FHIT: variants seen among roughly 807,000 people sequenced by gnomAD.
FHIT encodes fragile histidine triad diadenosine triphosphatase.
A neutral mutation model predicts 17.9 loss-of-function variants in FHIT; 19 were observed. The ratio of observed to expected loss-of-function variants is 1.06; its 90% CI spans 0.74 to 1.56. The LOEUF is 1.56. Ranked by LOEUF, FHIT falls within the 40% of genes most tolerant of loss-of-function variation. The pLI, the probability that FHIT is intolerant of heterozygous loss-of-function variation, is 0.00. For missense variants in FHIT, 248 were observed against 189.2 expected (o/e 1.31, Z -1.82); for synonymous variants, 81 against 69.7 (o/e 1.16, Z -0.81).
intron 2 of FHIT, among the ~76,000 whole-genome samples, chr3:61,180,253 G>A (rs908349205): frequency 2.0e-5 from 3 of 152,188 alleles, no homozygotes; most frequent in African/African-American, 7.2e-5. Flanking sequence ...AATGTTTGCT[G>A]GGATGTAAGC....
intron 5 of FHIT, among the ~76,000 whole-genome samples, chr3:60,077,686 T>TCACACA (rs35531886): frequency 0.013 from 1,410 of 110,310 alleles, 15 homozygotes; most frequent in African/African-American, 0.029. Flanking sequence ...CGATTTTACT[T>TCACACA]CACACACACA....
chr3:60,047,124 G>T (rs1701685365), intron 5 of FHIT, among the ~76,000 whole-genome samples: 1 of 152,194 alleles, frequency 6.6e-6, no homozygotes, highest in Non-Finnish European at 1.5e-5. Flanking sequence ...CAAGCATACT[G>T]CCGTAATGTT....
At chr3:60,776,083 A>G (rs1700209223) in intron 4 of FHIT, among the ~76,000 whole-genome samples, 2 of 152,210 alleles carry the variant, frequency 1.3e-5, no homozygotes, top group Non-Finnish European at 2.9e-5. Flanking sequence ...CACCCCCAAC[A>G]ACTGTCAGTG....
At chr3:61,132,356 G>A (rs1327635864) in intron 2 of FHIT, among the ~76,000 whole-genome samples, 1 of 152,156 alleles carries the variant, frequency 6.6e-6, no homozygotes, top group Non-Finnish European at 1.5e-5. Flanking sequence ...TTCATCCATA[G>A]ACAATTCAAT....
chr3:60,883,624 T>G (rs1489823768), intron 3 of FHIT, among the ~76,000 whole-genome samples: 2 of 152,128 alleles, frequency 1.3e-5, no homozygotes, highest in African/African-American at 4.8e-5. Flanking sequence ...AAGGACAGTC[T>G]ATTCATAAAT....
intron 2 of FHIT, among the ~76,000 whole-genome samples, chr3:61,058,638 C>A (rs2034312947): frequency 6.6e-6 from 1 of 152,182 alleles, no homozygotes; most frequent in Non-Finnish European, 1.5e-5. Context: ...CCTTCCTCTT[C>A]ACCTTCTACC....
At chr3:60,827,711 G>A (rs1454362623) in intron 3 of FHIT, among the ~76,000 whole-genome samples, 3 of 152,212 alleles carry the variant, frequency 2.0e-5, no homozygotes, top group African/African-American at 4.8e-5. Flanking sequence ...AGCAAAGGGC[G>A]TTCAGCTAGG....
intron 2 of FHIT, among the ~76,000 whole-genome samples, chr3:61,192,689 G>T (rs1480082565): frequency 6.6e-6 from 1 of 152,110 alleles, no homozygotes; most frequent in Non-Finnish European, 1.5e-5. Flanking sequence ...TTTGAGCAAA[G>T]ACTCAGGAGA....
In FHIT at chr3:61,026,517, A is replaced by T. The variant is rs183189324; in HGVS notation, c.-111+15530T>A. ...TTTCGCCAGCCTTACCTGATCATAGAAATCTTAAGATTTATAAAATACTTT... is the reference window on the plus strand; with the variant it reads ...TTTCGCCAGCCTTACCTGATCATAGTAATCTTAAGATTTATAAAATACTTT... On this transcript the variant is annotated intron_variant, in intron 3 of 9. Transcript: ENST00000492590. 3.3e-3 allele frequency among the ~76,000 whole-genome samples: 496 copies of T among 152,352 alleles called. 3 individuals are homozygous for T. Among genetic ancestry groups the T allele is most frequent in the Admixed American group, 7.9e-3 (121 of 15,306 alleles).
chr3:60,988,686 T>C (rs569797310), intron 3 of FHIT, among the ~76,000 whole-genome samples: 1 of 152,260 alleles, frequency 6.6e-6, no homozygotes, highest in African/African-American at 2.4e-5. Flanking sequence ...CCTGGAGGCC[T>C]GTTCAAGACT....
At chr3:61,159,893 C>G (rs1455639987) in intron 2 of FHIT, among the ~76,000 whole-genome samples, 5 of 152,156 alleles carry the variant, frequency 3.3e-5, no homozygotes, top group African/African-American at 1.2e-4. Context: ...AATGGGATGC[C>G]TATGTGCACA....
chr3:60,352,169 T>C (rs1699440221), intron 5 of FHIT, among the ~76,000 whole-genome samples: 1 of 152,152 alleles, frequency 6.6e-6, no homozygotes, highest in African/African-American at 2.4e-5. Flanking sequence ...AAGTGAGTTA[T>C]TTTACTAGAG....
Position 60,498,359 on chromosome 3 carries a change from G to A in FHIT, c.103+38501C>T, listed in dbSNP as rs72882138. On this transcript the variant is annotated intron_variant, in intron 5 of 9. Transcript: ENST00000492590. ...TTTATAGCATACTAACTTCTTTCTG[G>A]AAGTATGTTATACCCCCTGATTTAC... Among the ~76,000 whole-genome samples, 526 of 152,098 alleles carry A rather than the reference G, an allele frequency of 3.5e-3. 5 individuals are homozygous for A. The highest frequency in any genetic ancestry group is 0.012 in the African/African-American group (495 of 41,482).
intron 5 of FHIT, among the ~76,000 whole-genome samples, chr3:60,018,267 C>T (rs1045490845): frequency 2.0e-5 from 3 of 152,152 alleles, no homozygotes; most frequent in Admixed American, 2.0e-4. Flanking sequence ...CAGTAGAGAG[C>T]TCACTGGTTA....
intron 5 of FHIT, among the ~76,000 whole-genome samples, chr3:60,400,081 G>C (rs572886171): frequency 2.6e-5 from 4 of 152,282 alleles, no homozygotes; most frequent in Non-Finnish European, 5.9e-5. Flanking sequence ...ACTCTGGATA[G>C]TGAAATAAGT....
chr3:60,707,714 C>T (rs112844500), intron 4 of FHIT, among the ~76,000 whole-genome samples: 111 of 152,230 alleles, frequency 7.3e-4, no homozygotes, highest in African/African-American at 2.6e-3. Flanking sequence ...TCATTTTTAT[C>T]CTATCAGATT....
chr3:61,045,294 CA>C (rs2033728852), intron 2 of FHIT, among the ~76,000 whole-genome samples: 1 of 152,068 alleles, frequency 6.6e-6, no homozygotes, highest in African/African-American at 2.4e-5. Flanking sequence ...GAAGATCTAC[CA>C]AGCAAAAGGA....
intron 2 of FHIT, among the ~76,000 whole-genome samples, chr3:61,128,325 TC>T (rs1182212349): frequency 6.6e-6 from 1 of 152,182 alleles, no homozygotes; most frequent in African/African-American, 2.4e-5. Context: ...TTACTTAACA[TC>T]CCCGATCCTC....
intron 5 of FHIT, among the ~76,000 whole-genome samples, chr3:60,461,067 A>G (rs1159343917): frequency 6.8e-6 from 1 of 147,134 alleles, no homozygotes; most frequent in Non-Finnish European, 1.5e-5. Context: ...CTTAACGTTA[A>G]CGGCAAAAAA....
Sources: allele counts gnomAD v4.1 joint callset (sites outside exome capture counted in the v4.1 genomes callset), GRCh38; gene constraint gnomAD v4.1.1; transcripts MANE v1.5; gene names NCBI Gene and HGNC (gene_info 2026-07-23, HGNC 2026-07-21).